NUP133: variants seen among roughly 807,000 people sequenced by gnomAD.
NUP133 encodes the protein nuclear pore complex protein Nup133.
NUP133 carries 66 observed loss-of-function variants against 146.2 expected under a neutral mutation model. The observed-to-expected ratio is 0.45, with a 90% CI of 0.37 to 0.55. NUP133 has a LOEUF of 0.55. NUP133 is among the 20% of genes least tolerant of loss of function. NUP133 has a pLI of 0.00. For missense variants in NUP133, 1,277 were observed against 1,374.8 expected, an observed-to-expected ratio of 0.93 and a Z score of 1.12; for synonymous variants, 521 against 498.8, an observed-to-expected ratio of 1.04 and a Z score of -0.59.
At chr1:229,499,164 T>C (rs1400656747) in intron 5 of NUP133, 1 of 469,480 alleles carries the variant, frequency 2.1e-6, no homozygotes, top group East Asian at 6.9e-5. Flanking sequence ...CCATTCAAAG[T>C]GGTGAGACTG....
rs1448723105 is a variant in NUP133 at position 229,508,108 on chromosome 1, G to A, written c.142C>T (p.Leu48Phe). ...CTACGCCGGCCGACCGGCGAGAAGA[G>A]CACTGGGGAGCTGACTGCAGACCCC... ...PLGSAVSSPV[L>F]FSPVGRRSSL... Residue 48 changes from leucine (L) to phenylalanine (F), a missense_variant, in exon 1 of 26, where the codon CTC becomes TTC. Physicochemically the swap from Leu to Phe is conservative, Grantham distance 22. Around this residue, in one of 3 missense-constraint regions of NUP133, gnomAD observed 319 missense variants for 306.9 expected, o/e 1.04. Coordinates refer to ENST00000261396, the MANE Select transcript of NUP133 (RefSeq NM_018230.3). 1 of 1,551,776 alleles carries A rather than the reference G, an allele frequency of 6.4e-7. No homozygotes were observed. The highest frequency in any genetic ancestry group is 8.7e-7 in the Non-Finnish European group (1 of 1,149,806).
intron 8 of NUP133, among the ~76,000 whole-genome samples, chr1:229,493,214 G>A (rs1291014229): frequency 6.6e-6 from 1 of 152,140 alleles, no homozygotes; most frequent in Non-Finnish European, 1.5e-5. Flanking sequence ...GTCTTTCTCT[G>A]TTGCCCAGGG....
At chr1:229,487,676 T>A in intron 9 of NUP133, 63 bp from the exon 10 acceptor site, 1 of 1,274,722 alleles carries the variant, frequency 7.8e-7, no homozygotes, top group Non-Finnish European at 1.1e-6. Context: ...GTATGATTTT[T>A]TAAATTCATT....
intron 23 of NUP133, among the ~76,000 whole-genome samples, chr1:229,449,428 C>T (rs915144486): frequency 6.7e-6 from 1 of 148,170 alleles, no homozygotes; most frequent in Non-Finnish European, 1.5e-5. Flanking sequence ...AGTGCAGTGG[C>T]GCGATCTCAG....
intron 2 of NUP133, among the ~76,000 whole-genome samples, chr1:229,503,555 C>A (rs544509360): frequency 2.0e-5 from 3 of 152,078 alleles, no homozygotes; most frequent in Non-Finnish European, 4.4e-5. Flanking sequence ...TGTTAACAGC[C>A]CTGGAAATTT....
chr1:229,470,788 C>A lies in NUP133; in HGVS notation c.1868G>T (p.Arg623Leu), dbSNP rs865795546. ...DFIHQVGLFG[R>L]LGSFPVRGTP... ...CCCTCTAACTGGAAAACTGCCTAGA[C>A]GTCCAAATAAGCCAACCTTGCAAAA... The change falls in exon 15 of 26, where the codon CGT becomes CTT. Residue 623 changes from arginine to leucine, a missense_variant. Physicochemically the swap from Arg to Leu is moderately radical, Grantham distance 102 (BLOSUM62 -2). Coordinates refer to ENST00000261396, the MANE Select transcript of NUP133 (RefSeq NM_018230.3). The A allele has an allele frequency of 6.2e-7, 1 of 1,613,874 alleles. No homozygotes were observed. Among genetic ancestry groups the A allele is most frequent in the South Asian group, 1.1e-5 (1 of 91,078 alleles).
At chr1:229,470,526 T>C (rs1450008266) in intron 15 of NUP133, 54 bp downstream of exon 15, 33 of 1,412,820 alleles carry the variant, frequency 2.3e-5, no homozygotes, top group Non-Finnish European at 3.1e-5. Context: ...GCCTAGGGCA[T>C]GATCACTAAA....
At chr1:229,503,822 C>G (rs975870928) in intron 2 of NUP133, among the ~76,000 whole-genome samples, 32 of 152,240 alleles carry the variant, frequency 2.1e-4, no homozygotes, top group African/African-American at 7.7e-4. Flanking sequence ...GTTGACACAC[C>G]TCTTTGTTTT....
At chr1:229,473,118 A>G (rs1291126003) in intron 14 of NUP133, among the ~76,000 whole-genome samples, 1 of 151,988 alleles carries the variant, frequency 6.6e-6, no homozygotes, top group Admixed American at 6.6e-5. Flanking sequence ...CGGGCGTGGT[A>G]GTGAGTGCCT....
At chr1:229,484,444 C>T (rs1336945822) in intron 11 of NUP133, among the ~76,000 whole-genome samples, 3 of 152,078 alleles carry the variant, frequency 2.0e-5, no homozygotes, top group South Asian at 2.1e-4. Flanking sequence ...CATCCTGGGC[C>T]GCATGCAGCC....
At position 229,497,988 on chromosome 1, in the gene NUP133, A is replaced by C. The variant is rs1046319304; in HGVS notation, c.819+148T>G. ...AAGGTTAGTATGATCTCATTTCATC[A>C]TAATAAAAATAGTTCACTAAAAAGA... On this transcript the variant is annotated intron_variant, in intron 6 of 25. Transcript: ENST00000261396. The C allele has an allele frequency of 6.2e-6, 3 of 484,838 alleles. No individual in the cohort carries two copies. In the Admixed American group the frequency reaches 1.2e-4, roughly 20 times the overall value. The allele number at this position is 484,838 out of a possible 1,614,324, so 30.0% of individuals were successfully genotyped here.
At chr1:229,499,396 C>T (rs113532003) in intron 5 of NUP133, among the ~76,000 whole-genome samples, 3,741 of 152,262 alleles carry the variant, frequency 0.025, 133 homozygotes, top group Admixed American at 0.089. Flanking sequence ...TCCTTACATT[C>T]TTCTCTTCCT....
intron 15 of NUP133, 26 bp from the exon 16 acceptor site, chr1:229,466,782 A>G (rs745595415): frequency 1.2e-6 from 2 of 1,612,054 alleles, no homozygotes; most frequent in Non-Finnish European, 1.7e-6. Flanking sequence ...GAAGTAAACT[A>G]CTTACAACAA....
intron 3 of NUP133, among the ~76,000 whole-genome samples, chr1:229,501,602 TTTC>T (rs1225190203): frequency 6.6e-6 from 1 of 152,248 alleles, no homozygotes; most frequent in African/African-American, 2.4e-5. Flanking sequence ...GGTATCATAT[TTTC>T]TTATTTTATT....
In NUP133 at chr1:229,441,548, T is replaced by A. The variant is rs1660182653; in HGVS notation, c.*356A>T. 2 of 472,990 alleles carry A rather than the reference T, an allele frequency of 4.2e-6. No individual in the cohort carries two copies. The highest frequency in any genetic ancestry group is 4.3e-6 in the Non-Finnish European group (1 of 230,700). The allele number at this position is 472,990 out of a possible 1,614,324, so 29.3% of individuals were successfully genotyped here. On this transcript the variant is annotated 3_prime_UTR_variant, in exon 26 of 26. Coordinates refer to ENST00000261396, the MANE Select transcript of NUP133 (RefSeq NM_018230.3). ...CACAGCAATTTTAGAGACAAGCTAGTGCAATCTAGTAATTTTCATAGTCGC... is the reference window on the plus strand; with the variant it reads ...CACAGCAATTTTAGAGACAAGCTAGAGCAATCTAGTAATTTTCATAGTCGC...
At position 229,495,495 on chromosome 1, in the gene NUP133, C is replaced by G; in HGVS notation, c.1046G>C (p.Cys349Ser). Reference protein sequence around the residue: ...NIRYLDLKQNCDGLVILAAAW... With the variant: ...NIRYLDLKQNSDGLVILAAAW... ...TCTTTACGACAAATTAATTGCTTAC[C>G]AGTTTTGCTTCAAGTCCAAATATCG... The change falls in exon 8 of 26, where the codon TGT (cysteine) becomes TCT (serine). Residue 349 changes from cysteine (C) to serine (S), a missense_variant and splice_region_variant. By Grantham distance (112) the Cys-to-Ser change is moderately radical (BLOSUM62 -1). Transcript: ENST00000261396. 1 of 1,606,140 alleles carries G rather than the reference C, an allele frequency of 6.2e-7. No homozygotes were observed. Among genetic ancestry groups the G allele is most frequent in the Non-Finnish European group, 8.5e-7 (1 of 1,173,628 alleles).
intron 5 of NUP133, among the ~76,000 whole-genome samples, chr1:229,498,564 C>T (rs1279721840): frequency 6.6e-6 from 1 of 151,980 alleles, no homozygotes; most frequent in Non-Finnish European, 1.5e-5. Flanking sequence ...ACTTTGGGAG[C>T]CCAAGGCGGG....
intron 24 of NUP133, among the ~76,000 whole-genome samples, chr1:229,446,733 C>CA (rs1239986985): frequency 1.0e-4 from 15 of 144,132 alleles, no homozygotes; most frequent in South Asian, 2.2e-4. Context: ...GACTCCATCT[C>CA]AAAAAAAAAA....
chr1:229,495,127 A>G (rs1274653364), intron 8 of NUP133, among the ~76,000 whole-genome samples: 2 of 152,190 alleles, frequency 1.3e-5, no homozygotes, highest in African/African-American at 2.4e-5. Context: ...AGTGGCTCAC[A>G]CCCGTAATCG....
Sources: allele counts gnomAD v4.1 joint callset (sites outside exome capture counted in the v4.1 genomes callset), GRCh38; gene constraint gnomAD v4.1.1; regional missense constraint gnomAD v4.1.1; transcripts MANE v1.5; gene names NCBI Gene and HGNC (gene_info 2026-07-23, HGNC 2026-07-21).